PTBP2: variants seen among roughly 807,000 people sequenced by gnomAD.
The protein encoded by PTBP2 is polypyrimidine tract binding protein 2.
PTBP2 carries 13 observed loss-of-function variants against 61.4 expected under a neutral mutation model. The ratio of observed to expected loss-of-function variants is 0.21; its 90% confidence interval spans 0.14 to 0.34. The LOEUF (loss-of-function observed/expected upper bound fraction) is 0.34, where lower values mean the gene tolerates loss of function less well. Among genes scored for constraint, PTBP2 ranks in the 10% least tolerant of loss-of-function variants. The pLI, the probability that PTBP2 is intolerant of heterozygous loss-of-function variation, is 1.00. For missense variants in PTBP2, 405 were observed against 642.6 expected, an observed-to-expected ratio of 0.63 and a Z score of 4.00; for synonymous variants, 215 against 218.5, an observed-to-expected ratio of 0.98 and a Z score of 0.14.
downstream of PTBP2, chr1:96,818,482 A>G (rs1459700846): frequency 6.6e-6 from 1 of 152,042 alleles, no homozygotes; most frequent in East Asian, 1.9e-4. Context: ...TATCTAGACT[A>G]GCCTAGCTGG....
At chr1:96,807,804 G>A (rs1473795685) in intron 11 of PTBP2, among the ~76,000 whole-genome samples, 1 of 152,188 alleles carries the variant, frequency 6.6e-6, no homozygotes, top group Non-Finnish European at 1.5e-5. Context: ...CTTGGCAATA[G>A]TCTTAGCAAC....
In PTBP2 at chr1:96,814,823, A is replaced by G. The variant is rs1022091758; in HGVS notation, c.*1418A>G. The G allele has an allele frequency of 6.6e-6, 1 of 152,498 alleles. No individual in the cohort carries two copies. Among genetic ancestry groups the G allele is most frequent in the Non-Finnish European group, 1.5e-5 (1 of 67,946 alleles). The allele number at this position is 152,498 out of a possible 1,614,324, so 9.4% of individuals were successfully genotyped here. A position where few individuals can be genotyped will look rare whatever the true frequency, so the allele number is the denominator to read the frequency against. On this transcript the variant is annotated 3_prime_UTR_variant, in exon 14 of 14. Coordinates refer to ENST00000674951, the MANE Select transcript of PTBP2 (RefSeq NM_021190.4). ...GGAGGTTTGATGGTTGTTTAATTTC[A>G]TTTTGTGTGTACTCTGCTTACCCCT...
chr1:96,791,038 A>G (rs555351769), intron 8 of PTBP2, among the ~76,000 whole-genome samples: 1 of 150,730 alleles, frequency 6.6e-6, no homozygotes, highest in African/African-American at 2.4e-5. Flanking sequence ...CCATCCAGGT[A>G]TGCATGTTAT....
intron 2 of PTBP2, among the ~76,000 whole-genome samples, chr1:96,746,192 G>A (rs563777062): frequency 1.3e-5 from 2 of 152,072 alleles, no homozygotes; most frequent in Non-Finnish European, 2.9e-5. Flanking sequence ...ATATTTAAAG[G>A]TATAGGTATA....
chr1:96,822,529 G>T (rs1227747068), exon 14 of PTBP2: 2 of 152,064 alleles, frequency 1.3e-5, no homozygotes, highest in Non-Finnish European at 2.9e-5. Context: ...GAAGGGACAG[G>T]GTTGACATGA....
At chr1:96,728,970 C>CA (rs1191021866) in intron 2 of PTBP2, among the ~76,000 whole-genome samples, 1 of 152,054 alleles carries the variant, frequency 6.6e-6, no homozygotes, top group African/African-American at 2.4e-5. Context: ...GCATATTGCT[C>CA]ATATGTTCTG....
intron 8 of PTBP2, among the ~76,000 whole-genome samples, chr1:96,788,134 A>G (rs943275923): frequency 7.2e-5 from 11 of 152,114 alleles, no homozygotes; most frequent in Admixed American, 5.9e-4. Flanking sequence ...TTAGTTTACA[A>G]TCTTTAAATG....
chr1:96,792,664 A>G (rs1659974481), intron 8 of PTBP2, among the ~76,000 whole-genome samples: 1 of 152,168 alleles, frequency 6.6e-6, no homozygotes, highest in African/African-American at 2.4e-5. Flanking sequence ...TATCTTATTG[A>G]TTAAAATACC....
chr1:96,783,613 T>C (rs542466923), intron 7 of PTBP2, among the ~76,000 whole-genome samples: 126 of 152,062 alleles, frequency 8.3e-4, no homozygotes, highest in Non-Finnish European at 1.6e-3. Flanking sequence ...TTGATAACAT[T>C]GAAGTAGTCA....
chr1:96,805,532 C>T (rs1164169771), intron 9 of PTBP2, among the ~76,000 whole-genome samples: 2 of 151,918 alleles, frequency 1.3e-5, no homozygotes, highest in Admixed American at 1.3e-4. Context: ...CCCCTCCACC[C>T]AGTTAAATAA....
rs1396453363 is a variant in PTBP2 at position 96,791,665 on chromosome 1, G to A, written c.904+6411G>A. 7.2e-5 allele frequency among the ~76,000 whole-genome samples: 11 copies of A among 151,912 alleles called. No individual in the cohort carries two copies. In the East Asian group the frequency reaches 2.1e-3, roughly 29 times the overall value. ...TCATTGGTATTGGTAGAAGGGATTC[G>A]CTATGTTTTCTGCCACCATTGGATC... On this transcript the variant is annotated intron_variant, in intron 8 of 13. Coordinates refer to ENST00000674951, the MANE Select transcript of PTBP2 (RefSeq NM_021190.4).
chr1:96,725,333 A>T (rs1415935749), intron 2 of PTBP2, among the ~76,000 whole-genome samples: 1 of 140,962 alleles, frequency 7.1e-6, no homozygotes. Context: ...ACAGAGTCTC[A>T]CTCTTCGCCC....
intron 3 of PTBP2, among the ~76,000 whole-genome samples, chr1:96,763,131 C>T (rs540843360): frequency 1.8e-4 from 27 of 149,162 alleles, no homozygotes; most frequent in Admixed American, 3.4e-4. Context: ...ACGTTCCAGA[C>T]GATGGGCGGC....
chr1:96,766,522 C>G (rs1469120437), intron 3 of PTBP2, among the ~76,000 whole-genome samples: 2 of 152,126 alleles, frequency 1.3e-5, no homozygotes, highest in African/African-American at 4.8e-5. Context: ...ACAGGCAGAC[C>G]TAATGCTTCA....
chr1:96,749,046 T>C (rs1408174563), intron 2 of PTBP2, among the ~76,000 whole-genome samples: 1 of 152,096 alleles, frequency 6.6e-6, no homozygotes, highest in Non-Finnish European at 1.5e-5. Flanking sequence ...TTAAATCTCC[T>C]CTCTTAACGG....
intron 11 of PTBP2, among the ~76,000 whole-genome samples, chr1:96,811,736 A>G (rs1233760658): frequency 6.6e-6 from 1 of 152,186 alleles, no homozygotes; most frequent in Non-Finnish European, 1.5e-5. Context: ...ATACTTTATT[A>G]TCTAGTTGAT....
At position 96,743,233 on chromosome 1, in the gene PTBP2, C is replaced by T. The variant is rs538393774; in HGVS notation, c.40-8192C>T. ...ACCCGGGAGGCGGAGCTTGCAGTGGCGCCACTGGACTCCAGCCTGGGTGAC... is the reference window on the plus strand; with the variant it reads ...ACCCGGGAGGCGGAGCTTGCAGTGGTGCCACTGGACTCCAGCCTGGGTGAC... On this transcript the variant is annotated intron_variant, in intron 2 of 13. Coordinates refer to ENST00000674951, the MANE Select transcript of PTBP2 (RefSeq NM_021190.4). Among the ~76,000 whole-genome samples the T allele has an allele frequency of 1.3e-4, 19 of 150,340 alleles. 2 individuals are homozygous for T. The East Asian group carries it at 2.8e-3, about 22-fold the overall frequency.
At chr1:96,740,005 G>C (rs1209846040) in intron 2 of PTBP2, among the ~76,000 whole-genome samples, 1 of 152,048 alleles carries the variant, frequency 6.6e-6, no homozygotes. Context: ...TTTCAGATTA[G>C]GAATGCTCAG....
At chr1:96,776,686 T>G (rs1275316826) in intron 5 of PTBP2, among the ~76,000 whole-genome samples, 1 of 151,826 alleles carries the variant, frequency 6.6e-6, no homozygotes, top group Admixed American at 6.6e-5. Context: ...TGACCACAGA[T>G]AAGGTAGAAA....
Sources: gnomAD v4.1 joint callset for allele counts (sites outside exome capture counted in the v4.1 genomes callset) on GRCh38, gnomAD v4.1.1 for gene constraint, MANE v1.5 for transcripts, NCBI Gene and HGNC (gene_info 2026-07-23, HGNC 2026-07-21) for gene names.